Variants in RUSF1 observed in about 807,000 individuals in gnomAD.
RUSF1 encodes the protein RUS family member 1, also known as RUS1 family protein C16orf58.
Under a neutral mutation model 63.0 loss-of-function variants are expected in RUSF1, and 58 were observed. The observed-to-expected ratio is 0.92, with a 90% CI of 0.75 to 1.15. The LOEUF (loss-of-function observed/expected upper bound fraction) is 1.15, where lower values mean the gene tolerates loss of function less well. RUSF1 is among the 50% of genes most tolerant of loss of function. The pLI is 0.00. For missense variants in RUSF1, 652 were observed against 611.0 expected (o/e 1.07, Z -0.71); for synonymous variants, 274 against 255.8 (o/e 1.07, Z -0.68).
intron 11 of RUSF1, 46 bp downstream of exon 11, chr16:31,492,151 C>A: frequency 6.2e-7 from 1 of 1,611,822 alleles, no homozygotes; most frequent in Non-Finnish European, 8.5e-7. Flanking sequence ...TGTCCTCTCT[C>A]CTCCCCACCC....
At chr16:31,506,822 A>G (rs1459085410) in intron 2 of RUSF1, among the ~76,000 whole-genome samples, 1 of 151,842 alleles carries the variant, frequency 6.6e-6, no homozygotes, top group East Asian at 2.0e-4. Context: ...GGGTCTCCCT[A>G]TGTTGCCCAG....
At chr16:31,500,885 T>C (rs534154976) in intron 2 of RUSF1, among the ~76,000 whole-genome samples, 154 bp from the exon 3 acceptor site, 1 of 152,162 alleles carries the variant, frequency 6.6e-6, no homozygotes, top group African/African-American at 2.4e-5. Flanking sequence ...AGCTACATAA[T>C]GGGGTCAGAA....
intron 2 of RUSF1, 45 bp from the exon 3 acceptor site, chr16:31,500,776 G>C: frequency 6.3e-7 from 1 of 1,587,016 alleles, no homozygotes. Flanking sequence ...AGAGGTGTGG[G>C]AGCTGTGGGG....
At chr16:31,502,584 C>T (rs544450708) in intron 2 of RUSF1, among the ~76,000 whole-genome samples, 1 of 152,340 alleles carries the variant, frequency 6.6e-6, no homozygotes, top group East Asian at 1.9e-4. Context: ...CTCTCACGGC[C>T]AGCATCAGCT....
intron 2 of RUSF1, among the ~76,000 whole-genome samples, chr16:31,504,537 G>C (rs1250840267): frequency 6.6e-6 from 1 of 152,186 alleles, no homozygotes; most frequent in African/African-American, 2.4e-5. Flanking sequence ...CCATCCCAAA[G>C]TGCTGGGATT....
intron 6 of RUSF1, among the ~76,000 whole-genome samples, chr16:31,496,140 G>A (rs924331453): frequency 2.0e-5 from 3 of 152,168 alleles, no homozygotes; most frequent in Non-Finnish European, 1.5e-5. Context: ...CTGGAGTGCA[G>A]TGGGGTGATC....
At chr16:31,495,832 T>C (rs2142649428) in intron 6 of RUSF1, among the ~76,000 whole-genome samples, 1 of 152,270 alleles carries the variant, frequency 6.6e-6, no homozygotes, top group East Asian at 1.9e-4. Context: ...ATGCCCACTG[T>C]GAGAATTTAA....
intron 3 of RUSF1, among the ~76,000 whole-genome samples, chr16:31,500,099 C>T (rs2082625101): frequency 1.3e-5 from 2 of 152,162 alleles, no homozygotes; most frequent in African/African-American, 4.8e-5. Flanking sequence ...GACAGTGACT[C>T]CCTGCCCTGT....
At chr16:31,498,072 C>T (rs1366663091) in intron 5 of RUSF1, among the ~76,000 whole-genome samples, 3 of 151,996 alleles carry the variant, frequency 2.0e-5, no homozygotes, top group African/African-American at 4.8e-5. Flanking sequence ...AAGGTTCAGC[C>T]GAAGGTGACA....
chr16:31,490,884 T>A lies in RUSF1; in HGVS notation c.1358A>T (p.Asp453Val). ...CAGAAGCCATGTGGCCCTCCACTCA[T>A]CCACCTCTAGCTGGTGCTTCTCGGT... ...WKTEKHQLEVDEWRATWLLSP... is the reference protein window; with the variant it reads ...WKTEKHQLEVVEWRATWLLSP... The change falls in exon 13 of 13, where the codon GAT becomes GTT. Residue 453 changes from aspartate (D) to valine (V), a missense_variant. Asp to Val is a radical substitution (Grantham distance 152, BLOSUM62 -3). Transcript: ENST00000327237. 1 of 1,614,134 alleles carries A rather than the reference T, an allele frequency of 6.2e-7. No individual in the cohort carries two copies. Among genetic ancestry groups the A allele is most frequent in the South Asian group, 1.1e-5 (1 of 91,072 alleles).
At chr16:31,500,882 TA>T in intron 2 of RUSF1, 151 bp from the exon 3 acceptor site, 1 of 734,808 alleles carries the variant, frequency 1.4e-6, no homozygotes. Context: ...CATAGCTACA[TA>T]ATGGGGTCAG....
rs144632802 is a variant in RUSF1 at position 31,505,044 on chromosome 16, T to C, written c.415+2720A>G. On this transcript the variant is annotated intron_variant, in intron 2 of 12. Transcript: ENST00000327237. ...CTGGATACTGTCCAAGGCTTCCCCC[T>C]ACTGAGACAGCCTGAGATGTGGCCT... Among the ~76,000 whole-genome samples the C allele has an allele frequency of 6.4e-3, 980 of 152,250 alleles. 15 individuals carry two copies. The highest frequency in any genetic ancestry group is 0.023 in the African/African-American group (940 of 41,532).
chr16:31,491,004 G>C (rs1163855817), intron 12 of RUSF1, 72 bp from the exon 13 acceptor site: 2 of 1,461,726 alleles, frequency 1.4e-6, no homozygotes, highest in Admixed American at 3.4e-5. Flanking sequence ...GCTGGGTGCA[G>C]GCTTTGTGCA....
In RUSF1 at chr16:31,508,356, A is replaced by G. The variant is rs763571204; in HGVS notation, c.18T>C (p.Gly6=). MADDA[G]LETPLCSEQF... ...GCTCGGAACACAGCGGGGTCTCCAAACCCGCGTCGTCAGCCATGCCGAGCT... is the reference window on the plus strand; with the variant it reads ...GCTCGGAACACAGCGGGGTCTCCAAGCCCGCGTCGTCAGCCATGCCGAGCT... The change falls in exon 1 of 13, where the codon GGT becomes GGC. Residue 6 remains glycine (G), a synonymous_variant. Transcript: ENST00000327237. 3.9e-6 allele frequency: 6 copies of G among 1,522,422 alleles called. No homozygotes were observed. Among genetic ancestry groups the G allele is most frequent in the East Asian group, 2.4e-5 (1 of 40,842 alleles). The allele number at this position is 1,522,422 out of a possible 1,614,324, so 94.3% of individuals were successfully genotyped here.
intron 2 of RUSF1, among the ~76,000 whole-genome samples, chr16:31,501,878 G>A (rs944342398): frequency 1.3e-5 from 2 of 152,146 alleles, no homozygotes; most frequent in Admixed American, 6.5e-5. Context: ...CCCTGGTTTT[G>A]GAAATAAAGT....
In RUSF1 at chr16:31,490,394, G is replaced by C. The variant is rs763032828; in HGVS notation, c.*441C>G. Reference sequence around the variant, plus strand: ...GCAGAGGTGGGGTGGGCAGTCCTCCGCCCCTTACCCAGGAGGAGGCAGCGG... The same window carrying C: ...GCAGAGGTGGGGTGGGCAGTCCTCCCCCCCTTACCCAGGAGGAGGCAGCGG... On this transcript the variant is annotated 3_prime_UTR_variant, in exon 13 of 13. Coordinates refer to ENST00000327237, the MANE Select transcript of RUSF1 (RefSeq NM_022744.4). 39 of 1,613,232 alleles carry C rather than the reference G, an allele frequency of 2.4e-5. No homozygotes were observed. In the Admixed American group the frequency reaches 5.3e-4, roughly 22 times the overall value.
At chr16:31,499,789 T>C (rs781490045) in intron 3 of RUSF1, among the ~76,000 whole-genome samples, 15 of 152,144 alleles carry the variant, frequency 9.9e-5, no homozygotes, top group Non-Finnish European at 1.8e-4. Flanking sequence ...GTCTTGTGGC[T>C]GCTCCCCAGC....
chr16:31,496,842 C>T lies in RUSF1; in HGVS notation c.702+7G>A. On this transcript the variant is annotated splice_region_variant and intron_variant, in intron 6 of 12. Transcript: ENST00000327237. ...CTCCACGCCCTCCCTCCAGCTCTGG[C>T]ACTCACCTGGCTGCTGTCCTTGGCT... 2 of 1,574,590 alleles carry T rather than the reference C, an allele frequency of 1.3e-6. No homozygotes were observed. The highest frequency in any genetic ancestry group is 8.6e-7 in the Non-Finnish European group (1 of 1,159,994).
rs761895727 is a variant in RUSF1, at chr16:31,493,647, AC to A, written c.913del (p.Val305TyrfsTer63). On this transcript the variant is annotated frameshift_variant, in exon 8 of 13. Transcript: ENST00000327237. LOFTEE classifies it high-confidence loss of function. ...GCGATTGGCTGCAGTTGGGTCGAGT[AC>A]CTCTCCCCTCTGAAGGTAGTGCTTC... is the stretch of plus-strand genomic sequence containing the variant. ...VLKHYLQRGE[V>X]LDPTAANRME... 15 of 1,613,828 alleles carry A rather than the reference AC, an allele frequency of 9.3e-6. No homozygotes were observed. The highest frequency in any genetic ancestry group is 6.7e-5 in the Admixed American group (4 of 59,980).
Sources: allele counts gnomAD v4.1 joint callset (sites outside exome capture counted in the v4.1 genomes callset), GRCh38; gene constraint gnomAD v4.1.1; transcripts MANE v1.5; gene names NCBI Gene and HGNC (gene_info 2026-07-23, HGNC 2026-07-21).